AHI1: variants seen among roughly 807,000 people sequenced by gnomAD.
The protein encoded by AHI1 is Abelson helper integration site 1.
AHI1 carries 123 observed loss-of-function variants against 149.3 expected under a neutral mutation model. The ratio of observed to expected loss-of-function variants is 0.82; its 90% CI spans 0.71 to 0.96. The LOEUF is 0.96. AHI1 is among the 40% of genes least tolerant of loss of function. The probability of loss-of-function intolerance (pLI) is 0.00; values close to 1 mark genes in which losing one functional copy is unlikely to be tolerated. For synonymous variants in AHI1, 475 were observed against 459.8 expected (o/e 1.03, Z -0.42); for missense variants, 1,439 against 1,422.7 (o/e 1.01, Z -0.18).
At chr6:135,419,773 G>A (rs1782886474) in intron 20 of AHI1, among the ~76,000 whole-genome samples, 1 of 152,090 alleles carries the variant, frequency 6.6e-6, no homozygotes, top group Non-Finnish European at 1.5e-5. Context: ...ACACAACAAT[G>A]AAATTTGCTG....
At chr6:135,403,822 A>G (rs868463060) in intron 22 of AHI1, among the ~76,000 whole-genome samples, 3 of 151,926 alleles carry the variant, frequency 2.0e-5, no homozygotes, top group South Asian at 4.2e-4. Flanking sequence ...CCCCTTGTCT[A>G]TATTCCATAT....
intron 16 of AHI1, 88 bp from the exon 17 acceptor site, chr6:135,431,402 T>A: frequency 1.4e-6 from 1 of 718,234 alleles, no homozygotes; most frequent in Non-Finnish European, 2.1e-6. Context: ...TATACCCCAG[T>A]AAAACAGTCA....
intron 26 of AHI1, among the ~76,000 whole-genome samples, chr6:135,309,585 C>G (rs1398040783): frequency 6.6e-6 from 1 of 151,406 alleles, no homozygotes; most frequent in East Asian, 1.9e-4. Flanking sequence ...TGAGATCAAG[C>G]GATTCTCCTG....
At chr6:135,352,728 C>A (rs192978227) in intron 24 of AHI1, among the ~76,000 whole-genome samples, 1 of 149,492 alleles carries the variant, frequency 6.7e-6, no homozygotes, top group Non-Finnish European at 1.5e-5. Flanking sequence ...CACACACACA[C>A]ACACACACAA....
chr6:135,283,695 C>G lies in AHI1; in HGVS notation c.*1950G>C, dbSNP rs117917050. ...TGGTAAAGAAACATCTTTTATTAAT[C>G]TATTCATGAACATAACCCTAGTCTT... is the stretch of plus-strand genomic sequence containing the variant. On this transcript the variant is annotated 3_prime_UTR_variant, in exon 29 of 29. Coordinates refer to ENST00000265602, the MANE Select transcript of AHI1 (RefSeq NM_001134831.2). 2 of 152,142 alleles carry G rather than the reference C, an allele frequency of 1.3e-5. No individual in the cohort carries two copies. The highest frequency in any genetic ancestry group is 2.9e-5 in the Non-Finnish European group (2 of 68,016). 9.4% of individuals were successfully genotyped at this position (152,142 alleles called of 1,614,324 possible).
At chr6:135,301,200 T>G (rs1282061690) in intron 26 of AHI1, 1 of 983,738 alleles carries the variant, frequency 1.0e-6, no homozygotes, top group East Asian at 1.1e-4. Context: ...TAAATCAACC[T>G]AATGTTGCTA....
chr6:135,448,145 A>G, intron 12 of AHI1, 145 bp downstream of exon 12: 1 of 465,524 alleles, frequency 2.1e-6, no homozygotes, highest in Non-Finnish European at 3.5e-6. Context: ...TTTAAATATC[A>G]GCTATTACAG....
intron 22 of AHI1, among the ~76,000 whole-genome samples, chr6:135,397,621 C>G (rs936567844): frequency 7.2e-5 from 11 of 152,014 alleles, no homozygotes; most frequent in African/African-American, 2.7e-4. Context: ...TACTAATTCT[C>G]TAGACGGGGG....
At chr6:135,403,621 A>G (rs1336077765) in intron 22 of AHI1, among the ~76,000 whole-genome samples, 3 of 152,224 alleles carry the variant, frequency 2.0e-5, no homozygotes, top group African/African-American at 7.2e-5. Context: ...AAAGAGAAAT[A>G]GCTTTGAATT....
chr6:135,356,248 T>A (rs1792947879), intron 24 of AHI1, among the ~76,000 whole-genome samples: 1 of 152,178 alleles, frequency 6.6e-6, no homozygotes, highest in African/African-American at 2.4e-5. Flanking sequence ...AATACAAAAT[T>A]TGGGGCTACA....
intron 23 of AHI1, among the ~76,000 whole-genome samples, chr6:135,377,266 T>C (rs1394305406): frequency 6.6e-6 from 1 of 152,032 alleles, no homozygotes; most frequent in Admixed American, 6.5e-5. Flanking sequence ...TTCCAATTTT[T>C]TATGGTTAAA....
At chr6:135,344,776 A>C (rs1006550498) in intron 24 of AHI1, among the ~76,000 whole-genome samples, 2 of 149,276 alleles carry the variant, frequency 1.3e-5, no homozygotes, top group Non-Finnish European at 3.0e-5. Context: ...CTTTCTTTTT[A>C]GAATTACAGG....
chr6:135,467,358 TA>T (rs1469546344), intron 6 of AHI1, among the ~76,000 whole-genome samples: 1 of 152,208 alleles, frequency 6.6e-6, no homozygotes, highest in African/African-American at 2.4e-5. Context: ...TGTAAGTATT[TA>T]AAACAAGTAT....
At chr6:135,400,311 A>T (rs1779846011) in intron 22 of AHI1, among the ~76,000 whole-genome samples, 1 of 152,214 alleles carries the variant, frequency 6.6e-6, no homozygotes, top group Admixed American at 6.5e-5. Context: ...CCTTTAAAAA[A>T]ATGTTTTCAG....
intron 27 of AHI1, among the ~76,000 whole-genome samples, chr6:135,298,593 G>A (rs750162473): frequency 4.5e-4 from 69 of 152,212 alleles, no homozygotes; most frequent in Non-Finnish European, 7.9e-4. Flanking sequence ...CAGTTTTCAA[G>A]TCATGAGAAA....
intron 27 of AHI1, among the ~76,000 whole-genome samples, chr6:135,290,942 A>ACACACACACAC (rs1782282605): frequency 6.6e-6 from 1 of 151,756 alleles, no homozygotes; most frequent in African/African-American, 2.4e-5. Context: ...ACACACACAC[A>ACACACACACAC]AAAGTATAGG....
intron 5 of AHI1, among the ~76,000 whole-genome samples, chr6:135,469,522 A>G (rs1343190892): frequency 6.6e-6 from 1 of 152,204 alleles, no homozygotes; most frequent in Non-Finnish European, 1.5e-5. Flanking sequence ...TAGCCAAGAC[A>G]ATCCTAAACA....
At chr6:135,496,424 A>C (rs1482818548) in intron 2 of AHI1, among the ~76,000 whole-genome samples, 1 of 152,142 alleles carries the variant, frequency 6.6e-6, no homozygotes, top group Admixed American at 6.6e-5. Flanking sequence ...AGCCATCTCT[A>C]AATCTTAATA....
At chr6:135,474,725 G>A (rs894929958) in intron 5 of AHI1, 5 of 152,122 alleles carry the variant, frequency 3.3e-5, no homozygotes, top group African/African-American at 1.2e-4. Flanking sequence ...AATTACATTG[G>A]ATGCTTTTTC....
Sources: allele counts gnomAD v4.1 joint callset (sites outside exome capture counted in the v4.1 genomes callset), GRCh38; gene constraint gnomAD v4.1.1; transcripts MANE v1.5; gene names NCBI Gene and HGNC (gene_info 2026-07-23, HGNC 2026-07-21).